Variants in RYR3 observed in about 807,000 individuals in gnomAD.
RYR3 encodes ryanodine receptor 3.
RYR3 carries 207 observed loss-of-function variants against 584.3 expected under a neutral mutation model. The ratio of observed to expected loss-of-function variants is 0.35; its 90% CI spans 0.32 to 0.40. The LOEUF (loss-of-function observed/expected upper bound fraction) is 0.40, where lower values mean the gene tolerates loss of function less well. Among genes scored for constraint, RYR3 ranks in the 10% least tolerant of loss-of-function variants. RYR3 has a pLI of 1.00. For synonymous variants in RYR3, 2,416 were observed against 2,248.5 expected (o/e 1.07, Z -2.11); for missense variants, 5,616 against 6,089.2 (o/e 0.92, Z 2.59).
At chr15:33,862,783 G>C (rs184432137) in intron 102 of RYR3, among the ~76,000 whole-genome samples, 1 of 152,130 alleles carries the variant, frequency 6.6e-6, no homozygotes, top group South Asian at 2.1e-4. Flanking sequence ...GCTAATTTTT[G>C]TATTTTTAGT....
chr15:33,522,853 T>C (rs1326476965), intron 3 of RYR3, among the ~76,000 whole-genome samples: 1 of 152,178 alleles, frequency 6.6e-6, no homozygotes. Flanking sequence ...CCCTGGGCTG[T>C]ACTTTCTAAT....
intron 53 of RYR3, 139 bp downstream of exon 53, chr15:33,746,296 C>CTT: frequency 1.5e-6 from 1 of 682,432 alleles, no homozygotes; most frequent in South Asian, 1.8e-5. Context: ...TGTTCACAAG[C>CTT]TTGCCAGTGG....
chr15:33,835,463 C>A (rs934530921), intron 87 of RYR3, among the ~76,000 whole-genome samples: 3 of 152,176 alleles, frequency 2.0e-5, no homozygotes, highest in Admixed American at 6.5e-5. Context: ...TCTTCTCTCT[C>A]ACTCCTGCTT....
intron 3 of RYR3, among the ~76,000 whole-genome samples, chr15:33,516,460 C>G (rs1442351779): frequency 1.3e-5 from 2 of 151,960 alleles, no homozygotes; most frequent in African/African-American, 4.8e-5. Flanking sequence ...TCTCCTGCCT[C>G]AGCCCCCCGA....
intron 1 of RYR3, among the ~76,000 whole-genome samples, chr15:33,337,565 T>TC (rs1027797384): frequency 3.2e-3 from 56 of 17,464 alleles, no homozygotes; most frequent in African/African-American, 0.028. Context: ...CCAAGTGCCA[T>TC]TTTTTTTTGC....
At chr15:33,388,639 T>C (rs1435406471) in intron 1 of RYR3, among the ~76,000 whole-genome samples, 1 of 152,220 alleles carries the variant, frequency 6.6e-6, no homozygotes, top group African/African-American at 2.4e-5. Context: ...AGCTACGCTA[T>C]ACCATTGGCT....
intron 1 of RYR3, among the ~76,000 whole-genome samples, chr15:33,466,829 TC>T (rs1322399834): frequency 6.6e-6 from 1 of 152,208 alleles, no homozygotes; most frequent in Non-Finnish European, 1.5e-5. Context: ...TTGTGCTTTT[TC>T]CATTCAGTTC....
rs35869233 is a variant in RYR3, at chr15:33,664,585, G to GTGTA, written c.5619+851_5619+852insATGT. 8.1e-4 allele frequency among the ~76,000 whole-genome samples: 34 copies of GTGTA among 42,068 alleles called. 1 individual carries two copies. The highest frequency in any genetic ancestry group is 2.8e-3 in the African/African-American group (33 of 11,846). The allele number at this position is 42,068 out of a possible 152,430, so 27.6% of individuals were successfully genotyped here. A position where few individuals can be genotyped will look rare whatever the true frequency, so the allele number is the denominator to read the frequency against. ...TATATATATAGATATATGTGTGTGT[G>GTGTA]TGTGTATATATATATATATATATAT... On this transcript the variant is annotated intron_variant, in intron 36 of 103. Coordinates refer to ENST00000634891, the MANE Select transcript of RYR3 (RefSeq NM_001036.6).
intron 12 of RYR3, among the ~76,000 whole-genome samples, chr15:33,568,986 T>C (rs1257219791): frequency 1.3e-5 from 2 of 152,248 alleles, no homozygotes; most frequent in African/African-American, 4.8e-5. Context: ...TTTATTCATT[T>C]GTTTCCTCAC....
Position 33,731,684 on chromosome 15 carries a change from G to T in RYR3, c.7414G>T (p.Ala2472Ser), listed in dbSNP as rs371521091. The part of the protein sequence containing the change: ...QRDTIEECLL[A>S]ICNHLRPSML... ...GGACACTATAGAAGAATGTTTGCTT[G>T]CCATTTGCAAGTAAGTACATATCCT... Residue 2472 changes from alanine to serine, a missense_variant, in exon 48 of 104, where the codon GCC becomes TCC. By Grantham distance (99) the Ala-to-Ser change is moderately conservative. Transcript: ENST00000634891. The T allele has an allele frequency of 3.7e-6, 6 of 1,607,730 alleles. No homozygotes were observed. Among genetic ancestry groups the T allele is most frequent in the Admixed American group, 1.7e-5 (1 of 59,882 alleles).
intron 1 of RYR3, among the ~76,000 whole-genome samples, chr15:33,462,495 A>T (rs1182702426): frequency 6.6e-6 from 1 of 152,188 alleles, no homozygotes; most frequent in Non-Finnish European, 1.5e-5. Flanking sequence ...CCTCAGGATA[A>T]GTATTGTTAG....
intron 85 of RYR3, among the ~76,000 whole-genome samples, chr15:33,828,631 C>T (rs2077499249): frequency 6.6e-6 from 1 of 152,192 alleles, no homozygotes; most frequent in Non-Finnish European, 1.5e-5. Flanking sequence ...TAATCTAGAG[C>T]AGGGCTCTAA....
At position 33,662,489 on chromosome 15, in the gene RYR3, T is replaced by C; in HGVS notation, c.4959T>C (p.Pro1653=). ...FPDESKRHGL[P]GVGLRTCLKP... ...ACGAGTCCAAGAGGCATGGACTGCC[T>C]GGGGTGGGCCTGAGAACATGTCTCA... Residue 1653 remains proline (P), a synonymous_variant, in exon 35 of 104, where the codon CCT becomes CCC. Coordinates refer to ENST00000634891, the MANE Select transcript of RYR3 (RefSeq NM_001036.6). The C allele has an allele frequency of 1.2e-6, 2 of 1,614,028 alleles. No individual in the cohort carries two copies. The highest frequency in any genetic ancestry group is 8.5e-7 in the Non-Finnish European group (1 of 1,179,894).
At chr15:33,387,851 T>C (rs2141253153) in intron 1 of RYR3, among the ~76,000 whole-genome samples, 1 of 151,946 alleles carries the variant, frequency 6.6e-6, no homozygotes, top group East Asian at 1.9e-4. Context: ...GCAGGTATAA[T>C]AGAGAAAAAC....
intron 1 of RYR3, among the ~76,000 whole-genome samples, chr15:33,397,765 G>A (rs995008995): frequency 9.2e-5 from 14 of 152,164 alleles, no homozygotes; most frequent in Admixed American, 2.0e-4. Context: ...CTTAGGTCTT[G>A]TTTATAATTT....
At chr15:33,731,203 G>A (rs568698740) in intron 47 of RYR3, among the ~76,000 whole-genome samples, 1 of 151,630 alleles carries the variant, frequency 6.6e-6, no homozygotes, top group Non-Finnish European at 1.5e-5. Flanking sequence ...GATATTTATA[G>A]GATCATTTGG....
intron 1 of RYR3, among the ~76,000 whole-genome samples, chr15:33,434,376 A>G (rs2045474041): frequency 6.6e-6 from 1 of 152,004 alleles, no homozygotes; most frequent in Non-Finnish European, 1.5e-5. Flanking sequence ...AGGTTTTGTC[A>G]TTTGCACATT....
chr15:33,854,646 G>C (rs1215650213), intron 97 of RYR3, 120 bp from the exon 98 acceptor site: 1 of 1,316,110 alleles, frequency 7.6e-7, no homozygotes, highest in African/African-American at 1.5e-5. Context: ...CCAGCTCACA[G>C]CACCTCAGCA....
chr15:33,359,489 A>G (rs544845624), intron 1 of RYR3, among the ~76,000 whole-genome samples: 1 of 151,970 alleles, frequency 6.6e-6, no homozygotes, highest in South Asian at 2.1e-4. Flanking sequence ...TACTTGGGAT[A>G]CTCTTTCCCC....
Sources: gnomAD v4.1 joint callset for allele counts (sites outside exome capture counted in the v4.1 genomes callset) on GRCh38, gnomAD v4.1.1 for gene constraint, MANE v1.5 for transcripts, NCBI Gene and HGNC (gene_info 2026-07-23, HGNC 2026-07-21) for gene names.